Variants in HPRT1 observed in about 807,000 individuals in gnomAD.
The protein encoded by HPRT1 is hypoxanthine-guanine phosphoribosyltransferase.
Under a neutral mutation model 19.0 loss-of-function variants are expected in HPRT1, and 4 were observed. The observed-to-expected ratio is 0.21, with a 90% confidence interval of 0.10 to 0.48. The LOEUF (loss-of-function observed/expected upper bound fraction) is 0.48. Ranked by LOEUF, HPRT1 falls within the 20% of genes least tolerant of loss-of-function variation. HPRT1 has a pLI of 0.98. For missense variants in HPRT1, 65 were observed against 164.0 expected (o/e 0.40, Z 3.30); for synonymous variants, 53 against 54.9 (o/e 0.97, Z 0.15).
At chrX:134,478,355 A>G in intron 3 of HPRT1, among the ~76,000 whole-genome samples, 1 of 111,954 alleles carries the variant, frequency 8.9e-6, no homozygotes, top group East Asian at 2.8e-4. Context: ...GCAGTGGCAC[A>G]CATGTAATTC....
intron 1 of HPRT1, among the ~76,000 whole-genome samples, chrX:134,467,041 C>CTTTTTTTTTTTTTTT (rs779817345): frequency 1.3e-4 from 8 of 61,010 alleles, no homozygotes; most frequent in African/African-American, 5.1e-4. Flanking sequence ...AGATTTTAAG[C>CTTTTTTTTTTTTTTT]TTTTTTTTTT....
At chrX:134,481,485 CTCTATCTCTATCTG>C (rs2077639308) in intron 3 of HPRT1, among the ~76,000 whole-genome samples, 1 of 103,660 alleles carries the variant, frequency 9.6e-6, no homozygotes, top group Admixed American at 1.1e-4. Flanking sequence ...CCATCTTTGT[CTCTATCTCTATCTG>C]TCTATCTCTA....
intron 1 of HPRT1, among the ~76,000 whole-genome samples, chrX:134,462,998 A>G (rs1235754706): frequency 1.8e-5 from 2 of 112,282 alleles, no homozygotes; most frequent in African/African-American, 6.5e-5. Flanking sequence ...AGTAGTGACA[A>G]TAGTAGGTAT....
intron 1 of HPRT1, among the ~76,000 whole-genome samples, chrX:134,465,659 T>C (rs1056107883): frequency 8.9e-6 from 1 of 112,646 alleles, no homozygotes; most frequent in Non-Finnish European, 1.9e-5. Flanking sequence ...ATATCACAAG[T>C]AAGTTAGAAT....
intron 3 of HPRT1, among the ~76,000 whole-genome samples, chrX:134,478,024 A>G (rs1156508096): frequency 1.8e-5 from 2 of 112,130 alleles, no homozygotes; most frequent in Non-Finnish European, 3.8e-5. Context: ...TTGTCATGTA[A>G]GATATTCATA....
chrX:134,473,702 A>G (rs1327782594), intron 2 of HPRT1, among the ~76,000 whole-genome samples: 3 of 111,852 alleles, frequency 2.7e-5, no homozygotes, highest in Admixed American at 9.6e-5. Flanking sequence ...TTGAAGGGAG[A>G]TGGAAGAAGG....
At position 134,486,475 on chromosome X, in the gene HPRT1, C is replaced by T. The variant is rs137852482; in HGVS notation, c.329C>T (p.Ser110Leu). ...TTTTTTTTTAACTAGAATGACCAGT[C>T]AACAGGGGACATAAAAGTAATTGGT... ...IRLKSYCNDQ[S>L]TGDIKVIGGD... The change falls in exon 4 of 9, where the codon TCA (serine) becomes TTA (leucine). Residue 110 changes from serine (S) to leucine (L), a missense_variant. Coordinates refer to ENST00000298556, the MANE Select transcript of HPRT1 (RefSeq NM_000194.3). 2 of 1,116,104 alleles carry T rather than the reference C, an allele frequency of 1.8e-6. No homozygotes were observed. Among genetic ancestry groups the T allele is most frequent in the Non-Finnish European group, 2.4e-6 (2 of 820,732 alleles). The allele number at this position is 1,116,104 out of a possible 1,213,427, so 92.0% of individuals were successfully genotyped here.
At chrX:134,494,809 T>G (rs976014831) in intron 6 of HPRT1, among the ~76,000 whole-genome samples, 5 of 111,820 alleles carry the variant, frequency 4.5e-5, no homozygotes, top group African/African-American at 1.6e-4. Context: ...TGCTGTGGAA[T>G]TGAGATAGAC....
At chrX:134,496,818 G>A (rs1802224427) in intron 6 of HPRT1, among the ~76,000 whole-genome samples, 2 of 111,887 alleles carry the variant, frequency 1.8e-5, no homozygotes, top group African/African-American at 6.5e-5. Flanking sequence ...TGTGGCCCGA[G>A]TAGGTGAGTT....
chrX:134,493,909 A>G (rs2077674142), intron 6 of HPRT1, among the ~76,000 whole-genome samples: 1 of 111,595 alleles, frequency 9.0e-6, no homozygotes, highest in Non-Finnish European at 1.9e-5. Context: ...CGGGTGAGGA[A>G]GTGATAGGAA....
chrX:134,467,626 GA>G (rs910750695), intron 1 of HPRT1, among the ~76,000 whole-genome samples: 7 of 110,994 alleles, frequency 6.3e-5, no homozygotes, highest in Non-Finnish European at 1.3e-4. Context: ...TATAGAGATT[GA>G]GTTTATTGGA....
At chrX:134,463,326 A>G (rs182120717) in intron 1 of HPRT1, among the ~76,000 whole-genome samples, 1 of 111,948 alleles carries the variant, frequency 8.9e-6, no homozygotes, top group African/African-American at 3.2e-5. Flanking sequence ...TGGATATAAT[A>G]TCTTCTAAAT....
chrX:134,470,518 G>A (rs976586014), intron 1 of HPRT1, among the ~76,000 whole-genome samples: 2 of 111,704 alleles, frequency 1.8e-5, no homozygotes, highest in African/African-American at 6.5e-5. Context: ...TGTAAAAGGA[G>A]ATGCTCAATA....
chrX:134,467,035 T>G (rs1303498465), intron 1 of HPRT1, among the ~76,000 whole-genome samples: 3 of 102,351 alleles, frequency 2.9e-5, no homozygotes, highest in African/African-American at 1.1e-4. Context: ...CCCACTAGAT[T>G]TTAAGCTTTT....
chrX:134,485,764 C>T (rs2077651215), intron 3 of HPRT1, among the ~76,000 whole-genome samples: 1 of 111,799 alleles, frequency 8.9e-6, no homozygotes, highest in African/African-American at 3.3e-5. Flanking sequence ...TTTTGTTCAC[C>T]TGCTCTTTCA....
intron 4 of HPRT1, chrX:134,486,804 G>T: frequency 4.6e-6 from 1 of 216,191 alleles, no homozygotes; most frequent in Non-Finnish European, 8.4e-6. Flanking sequence ...ATTGATGGGG[G>T]AAAAGATAGC....
chrX:134,497,322 C>G (rs1203727587), intron 6 of HPRT1, among the ~76,000 whole-genome samples: 1 of 110,439 alleles, frequency 9.1e-6, no homozygotes, highest in East Asian at 2.9e-4. Context: ...GAGCGAGACT[C>G]ATCTCTTTAA....
chrX:134,490,553 TA>T (rs1264124328), intron 5 of HPRT1, among the ~76,000 whole-genome samples: 2 of 107,525 alleles, frequency 1.9e-5, no homozygotes, highest in Admixed American at 1.0e-4. Flanking sequence ...ATTTGGTACA[TA>T]AAAAATAATA....
At chrX:134,461,937 A>AT (rs2077585245) in intron 1 of HPRT1, among the ~76,000 whole-genome samples, 1 of 111,642 alleles carries the variant, frequency 9.0e-6, no homozygotes, top group Non-Finnish European at 1.9e-5. Flanking sequence ...AAAAATGTTG[A>AT]TTTTTCATCT....
Sources: allele counts gnomAD v4.1 joint callset (sites outside exome capture counted in the v4.1 genomes callset), GRCh38; gene constraint gnomAD v4.1.1; transcripts MANE v1.5; gene names NCBI Gene and HGNC (gene_info 2026-07-23, HGNC 2026-07-21).